Variants in MALT1 observed in about 807,000 individuals in gnomAD.
MALT1 encodes MALT1 paracaspase.
MALT1 carries 36 observed loss-of-function variants against 85.5 expected under a neutral mutation model. The observed-to-expected ratio is 0.42, with a 90% CI of 0.32 to 0.56. The LOEUF (loss-of-function observed/expected upper bound fraction) is 0.56. Among genes scored for constraint, MALT1 ranks in the 20% least tolerant of loss-of-function variants. The pLI is 0.10. For missense variants in MALT1, 716 were observed against 981.6 expected (o/e 0.73, Z 3.62); for synonymous variants, 359 against 361.3 (o/e 0.99, Z 0.07).
At position 58,734,355 on chromosome 18, in the gene MALT1, C is replaced by T. The variant is rs150095121; in HGVS notation, c.1449C>T (p.Thr483=). ...TIPILDALKV[T]ANIVFGYATC... Reference sequence around the variant, plus strand: ...CAATCTTGGATGCACTAAAAGTCACCGCCAATATTGTGTTTGGATATGCCA... The same window carrying T: ...CAATCTTGGATGCACTAAAAGTCACTGCCAATATTGTGTTTGGATATGCCA... Residue 483 remains threonine, a synonymous_variant, in exon 12 of 17, where the codon ACC becomes ACT. Transcript: ENST00000649217. 3.2e-4 allele frequency: 518 copies of T among 1,613,622 alleles called. No homozygotes were observed. The highest frequency in any genetic ancestry group is 3.9e-4 in the Non-Finnish European group (460 of 1,179,546).
chr18:58,728,848 A>G (rs555361119), intron 10 of MALT1, among the ~76,000 whole-genome samples: 1 of 152,194 alleles, frequency 6.6e-6, no homozygotes, highest in South Asian at 2.1e-4. Context: ...TTTTCCCTGG[A>G]TGAATGGAAG....
At chr18:58,709,209 C>T (rs149533878) in intron 4 of MALT1, among the ~76,000 whole-genome samples, 169 bp from the exon 5 acceptor site, 151 of 152,236 alleles carry the variant, frequency 9.9e-4, no homozygotes, top group Non-Finnish European at 1.8e-3. Context: ...CTTTTGGCCA[C>T]AGAATATCTC....
intron 14 of MALT1, among the ~76,000 whole-genome samples, chr18:58,743,157 C>T (rs957074459): frequency 1.2e-4 from 19 of 152,058 alleles, no homozygotes; most frequent in Admixed American, 3.3e-4. Flanking sequence ...GGTAGATCAC[C>T]TGAGGTCAGG....
Position 58,734,350 on chromosome 18 carries a change from G to C in MALT1, c.1444G>C (p.Val482Leu). 6.2e-7 allele frequency: 1 copy of C among 1,613,716 alleles called. No homozygotes were observed. Among genetic ancestry groups the C allele is most frequent in the Non-Finnish European group, 8.5e-7 (1 of 1,179,704 alleles). ...DTIPILDALKVTANIVFGYAT... is the reference protein window; with the variant it reads ...DTIPILDALKLTANIVFGYAT... The stretch of plus-strand genomic sequence containing the variant: ...CATTCCAATCTTGGATGCACTAAAA[G>C]TCACCGCCAATATTGTGTTTGGATA... The change falls in exon 12 of 17, where the codon GTC becomes CTC. Residue 482 changes from valine to leucine, a missense_variant. Coordinates refer to ENST00000649217, the MANE Select transcript of MALT1 (RefSeq NM_006785.4).
At chr18:58,693,250 G>A (rs974675734) in intron 2 of MALT1, among the ~76,000 whole-genome samples, 1 of 152,036 alleles carries the variant, frequency 6.6e-6, no homozygotes, top group South Asian at 2.1e-4. Context: ...GTGAAACCCC[G>A]TCTTTGCAAA....
intron 9 of MALT1, among the ~76,000 whole-genome samples, chr18:58,716,903 C>T (rs1040455506): frequency 6.6e-6 from 1 of 152,018 alleles, no homozygotes; most frequent in African/African-American, 2.4e-5. Flanking sequence ...GGATTTGGGC[C>T]AAGGTGAAAA....
intron 13 of MALT1, among the ~76,000 whole-genome samples, chr18:58,738,746 A>G (rs140464542): frequency 1.3e-5 from 2 of 151,900 alleles, no homozygotes; most frequent in South Asian, 2.1e-4. Context: ...AGCTATATGT[A>G]TATCTTATGT....
chr18:58,718,932 T>C (rs2054942378), intron 9 of MALT1, among the ~76,000 whole-genome samples: 1 of 151,124 alleles, frequency 6.6e-6, no homozygotes, highest in Non-Finnish European at 1.5e-5. Flanking sequence ...CATTCAGAAA[T>C]GAAGGAGAGG....
chr18:58,731,252 C>T (rs1257136141), intron 10 of MALT1, among the ~76,000 whole-genome samples: 1 of 152,158 alleles, frequency 6.6e-6, no homozygotes, highest in Non-Finnish European at 1.5e-5. Context: ...CGCGCCTGGC[C>T]GTCATTAGTC....
intron 13 of MALT1, among the ~76,000 whole-genome samples, chr18:58,739,039 A>G (rs998982608): frequency 9.9e-5 from 15 of 152,196 alleles, no homozygotes; most frequent in Non-Finnish European, 1.9e-4. Flanking sequence ...TTTTATTATG[A>G]ATAAATGAAC....
intron 4 of MALT1, among the ~76,000 whole-genome samples, chr18:58,701,320 C>G (rs1417049799): frequency 1.3e-5 from 2 of 152,176 alleles, no homozygotes; most frequent in Non-Finnish European, 2.9e-5. Context: ...AAATGTCTTG[C>G]ATATTCACAC....
In MALT1 at chr18:58,747,990, G is replaced by A; in HGVS notation, c.*148G>A. 1.6e-6 allele frequency: 1 copy of A among 624,300 alleles called. No individual in the cohort carries two copies. Among genetic ancestry groups the A allele is most frequent in the South Asian group, 2.0e-5 (1 of 51,108 alleles). The allele number at this position is 624,300 out of a possible 1,614,324, so 38.7% of individuals were successfully genotyped here. The stretch of plus-strand genomic sequence containing the variant: ...TTCATAGCAAACTTCAGGACTTTGA[G>A]ATGTTGAAATTACATTATTTAATTA... On this transcript the variant is annotated 3_prime_UTR_variant, in exon 17 of 17. Transcript: ENST00000649217.
chr18:58,684,993 T>C (rs1182170749), intron 2 of MALT1, among the ~76,000 whole-genome samples: 1 of 152,126 alleles, frequency 6.6e-6, no homozygotes, highest in Non-Finnish European at 1.5e-5. Flanking sequence ...AACAATCGTT[T>C]CCACCTGCTG....
intron 16 of MALT1, 66 bp downstream of exon 16, chr18:58,745,857 A>G: frequency 3.5e-6 from 5 of 1,445,862 alleles, no homozygotes; most frequent in Non-Finnish European, 3.8e-6. Context: ...TTATTTTGGC[A>G]TAGACCATAG....
intron 13 of MALT1, 23 bp downstream of exon 13, chr18:58,735,352 A>G: frequency 6.3e-7 from 1 of 1,581,602 alleles, no homozygotes; most frequent in Non-Finnish European, 8.5e-7. Flanking sequence ...ATAAAGAGAA[A>G]AGTACTCAGA....
In MALT1 at chr18:58,747,483, A is replaced by T. The variant is rs751472121; in HGVS notation, c.2116A>T (p.Asn706Tyr). Residue 706 changes from asparagine (N) to tyrosine (Y), a missense_variant, in exon 17 of 17, where the codon AAT (asparagine) becomes TAT (tyrosine). By Grantham distance (143) the Asn-to-Tyr change is moderately radical. Around this residue, in one of 4 missense-constraint regions of MALT1, gnomAD observed 260 missense variants for 323.7 expected, o/e 0.80. Transcript: ENST00000649217. ...EDTVEDKQEV[N>Y]VGKPLIAKLD... ...TACTGTAGAGGACAAGCAGGAAGTG[A>T]ATGTTGGGAAACCTCTCATTGCTAA... 6.2e-7 allele frequency: 1 copy of T among 1,613,948 alleles called. No individual in the cohort carries two copies. Among genetic ancestry groups the T allele is most frequent in the South Asian group, 1.1e-5 (1 of 91,060 alleles).
At chr18:58,707,702 T>C (rs2054773399) in intron 4 of MALT1, among the ~76,000 whole-genome samples, 1 of 152,160 alleles carries the variant, frequency 6.6e-6, no homozygotes, top group Admixed American at 6.5e-5. Flanking sequence ...ATATTACACA[T>C]TAACATATAG....
chr18:58,686,375 A>C (rs1233090799), intron 2 of MALT1, among the ~76,000 whole-genome samples: 1 of 152,196 alleles, frequency 6.6e-6, no homozygotes, highest in Non-Finnish European at 1.5e-5. Flanking sequence ...GTAGAATTAT[A>C]GGCTTCATCA....
intron 1 of MALT1, among the ~76,000 whole-genome samples, chr18:58,675,836 A>G (rs1216316541): frequency 6.6e-6 from 1 of 152,188 alleles, no homozygotes; most frequent in East Asian, 1.9e-4. Context: ...ACGTATGTAA[A>G]CACTTGTTTG....
Sources: allele counts gnomAD v4.1 joint callset (sites outside exome capture counted in the v4.1 genomes callset), GRCh38; gene constraint gnomAD v4.1.1; regional missense constraint gnomAD v4.1.1; transcripts MANE v1.5; gene names NCBI Gene and HGNC (gene_info 2026-07-23, HGNC 2026-07-21).